Variants in PIEZO2 observed in about 807,000 individuals in gnomAD.
PIEZO2 encodes piezo type mechanosensitive ion channel component 2.
Under a neutral mutation model 337.3 loss-of-function variants are expected in PIEZO2, and 172 were observed. The ratio of observed to expected loss-of-function variants is 0.51; its 90% CI spans 0.45 to 0.58. The LOEUF (loss-of-function observed/expected upper bound fraction) is 0.58, where lower values mean the gene tolerates loss of function less well. Ranked by LOEUF, PIEZO2 falls within the 20% of genes least tolerant of loss-of-function variation. PIEZO2 has a pLI of 0.00. For synonymous variants in PIEZO2, 1,251 were observed against 1,228.5 expected, an observed-to-expected ratio of 1.02 and a Z score of -0.38; for missense variants, 3,028 against 3,391.3, an observed-to-expected ratio of 0.89 and a Z score of 2.66.
intron 30 of PIEZO2, among the ~76,000 whole-genome samples, chr18:10,747,328 G>A (rs2143712760): frequency 6.6e-6 from 1 of 152,332 alleles, no homozygotes; most frequent in African/African-American, 2.4e-5. Flanking sequence ...TTAGCAGCCT[G>A]AGGAAGATTG....
chr18:10,696,449 C>T lies in PIEZO2; in HGVS notation c.6918G>A (p.Met2306Ile). 1 of 1,614,226 alleles carries T rather than the reference C, an allele frequency of 6.2e-7. No homozygotes were observed. The highest frequency in any genetic ancestry group is 8.5e-7 in the Non-Finnish European group (1 of 1,180,040). The change falls in exon 46 of 56, where the codon ATG becomes ATA. Residue 2306 changes from methionine to isoleucine, a missense_variant. By Grantham distance (10) the Met-to-Ile change is conservative. This residue lies in a region of PIEZO2 where 1,925 missense variants were observed against 2,051.9 expected (regional missense o/e 0.94). Transcript: ENST00000674853. ...TGAAGTCCACAGTGTCAGCCAGGAA[C>T]ATGAGTACATACACGTCAGTCACGG... Reference protein sequence around the residue: ...YSAVTDVYVLMFLADTVDFII... With the variant: ...YSAVTDVYVLIFLADTVDFII...
chr18:10,728,967 A>C (rs544290384), intron 36 of PIEZO2, among the ~76,000 whole-genome samples: 38 of 148,854 alleles, frequency 2.6e-4, no homozygotes, highest in African/African-American at 7.4e-4. Context: ...AAAAAAAAAA[A>C]AAAAAAACAA....
chr18:10,831,228 T>C (rs1370216877), intron 7 of PIEZO2, among the ~76,000 whole-genome samples: 2 of 152,234 alleles, frequency 1.3e-5, no homozygotes, highest in African/African-American at 4.8e-5. Flanking sequence ...TGAACATTCA[T>C]GTTTACTGCG....
chr18:10,725,938 G>C (rs2036517917), intron 36 of PIEZO2, among the ~76,000 whole-genome samples: 1 of 152,200 alleles, frequency 6.6e-6, no homozygotes, highest in African/African-American at 2.4e-5. Context: ...ATTTCTATCT[G>C]TCTGTCCCTC....
intron 1 of PIEZO2, among the ~76,000 whole-genome samples, chr18:11,136,212 C>CA (rs1209192040): frequency 3.9e-5 from 6 of 152,190 alleles, no homozygotes; most frequent in Admixed American, 1.3e-4. Context: ...GGCACTGGGT[C>CA]AGAAATGCAG....
chr18:10,931,421 G>A lies in PIEZO2; in HGVS notation c.287-20193C>T, dbSNP rs369589598. ...TCATCATGTTAGCCAGGGTGGTCTC[G>A]ATCTCCTGACCTCGTGATCCGCCTG... On this transcript the variant is annotated intron_variant, in intron 3 of 55. Coordinates refer to ENST00000674853, the MANE Select transcript of PIEZO2 (RefSeq NM_001378183.1). 4.5e-3 allele frequency among the ~76,000 whole-genome samples: 679 copies of A among 152,136 alleles called. 6 individuals carry two copies. The highest frequency in any genetic ancestry group is 0.015 in the African/African-American group (633 of 41,504).
At chr18:10,690,626 G>C (rs573063490) in intron 48 of PIEZO2, among the ~76,000 whole-genome samples, 1 of 152,216 alleles carries the variant, frequency 6.6e-6, no homozygotes, top group African/African-American at 2.4e-5. Context: ...TGGTGCTGAG[G>C]AGGAGCCAGC....
intron 23 of PIEZO2, among the ~76,000 whole-genome samples, chr18:10,762,262 T>C (rs1412258196): frequency 6.6e-6 from 1 of 152,246 alleles, no homozygotes; most frequent in Non-Finnish European, 1.5e-5. Flanking sequence ...TTGTATAATG[T>C]TCCAATGAAT....
intron 52 of PIEZO2, among the ~76,000 whole-genome samples, chr18:10,679,141 C>T (rs2034151044): frequency 6.6e-6 from 1 of 152,098 alleles, no homozygotes; most frequent in Non-Finnish European, 1.5e-5. Flanking sequence ...GCCATGTTGG[C>T]CAGGCTGGTC....
intron 3 of PIEZO2, among the ~76,000 whole-genome samples, chr18:10,921,646 A>G (rs1415698589): frequency 1.3e-5 from 2 of 152,186 alleles, no homozygotes; most frequent in African/African-American, 4.8e-5. Flanking sequence ...AAAGAGCAGG[A>G]TAACAGCAAT....
At chr18:10,742,745 T>C (rs1028242024) in intron 31 of PIEZO2, 130 bp from the exon 32 acceptor site, 5 of 976,514 alleles carry the variant, frequency 5.1e-6, no homozygotes, top group Admixed American at 2.9e-5. Context: ...ACTTGTGAAT[T>C]GTAAAATGGT....
rs1373732643 is a variant in PIEZO2, at chr18:11,099,376, C to T, written c.65-33154G>A. Among the ~76,000 whole-genome samples the T allele has an allele frequency of 6.6e-6, 1 of 152,220 alleles. No individual in the cohort carries two copies. Among genetic ancestry groups the T allele is most frequent in the African/African-American group, 2.4e-5 (1 of 41,458 alleles). On this transcript the variant is annotated intron_variant, in intron 1 of 55. Transcript: ENST00000674853. The surrounding 1 kb of genome is among the most constrained non-coding windows in gnomAD (Gnocchi z 5.4). ...ATAGAAGTTCCTTGTTAAATGCACC[C>T]TCACCAATACCAAATTGGTCCATTT... is the stretch of plus-strand genomic sequence containing the variant.
chr18:10,976,111 G>A (rs1053335883), intron 3 of PIEZO2, among the ~76,000 whole-genome samples: 2 of 152,158 alleles, frequency 1.3e-5, no homozygotes, highest in African/African-American at 4.8e-5. Flanking sequence ...AAAAGTCAGT[G>A]TTTCCATTAC....
intron 28 of PIEZO2, among the ~76,000 whole-genome samples, 198 bp downstream of exon 28, chr18:10,752,438 T>C (rs2037684410): frequency 6.6e-6 from 1 of 152,120 alleles, no homozygotes. Flanking sequence ...CTTGAAATGG[T>C]GAAAATGAGG....
chr18:10,922,147 T>C (rs866077652), intron 3 of PIEZO2, among the ~76,000 whole-genome samples: 26 of 152,026 alleles, frequency 1.7e-4, no homozygotes, highest in Middle Eastern at 3.2e-3. Context: ...ACACACTCCC[T>C]CCCCTTTTGA....
chr18:10,816,873 T>C lies in PIEZO2; in HGVS notation c.918-9599A>G, dbSNP rs539798751. Among the ~76,000 whole-genome samples the C allele has an allele frequency of 4.6e-5, 7 of 152,318 alleles. No individual in the cohort carries two copies. The South Asian group carries it at 1.4e-3, about 32-fold the overall frequency. On this transcript the variant is annotated intron_variant, in intron 7 of 55. Coordinates refer to ENST00000674853, the MANE Select transcript of PIEZO2 (RefSeq NM_001378183.1). The stretch of plus-strand genomic sequence containing the variant: ...TAATACATAGAACCAAATGATTTAT[T>C]TATCTTTTCTCACTGCAGTTTTATT...
chr18:10,909,520 T>C (rs527655566), intron 4 of PIEZO2, among the ~76,000 whole-genome samples: 3 of 20,314 alleles, frequency 1.5e-4, no homozygotes, highest in East Asian at 0.083. Context: ...TTAGGTATGA[T>C]GATGGCACTA....
intron 2 of PIEZO2, among the ~76,000 whole-genome samples, chr18:10,990,518 T>C (rs994073678): frequency 8.5e-5 from 13 of 152,114 alleles, no homozygotes; most frequent in African/African-American, 3.1e-4. Flanking sequence ...TTTGGGGTAT[T>C]AATCAGACAA....
Position 10,762,754 on chromosome 18 carries a change from A to G in PIEZO2, c.3124-129T>C, listed in dbSNP as rs2038190164. On this transcript the variant is annotated intron_variant, in intron 22 of 55. Transcript: ENST00000674853. ...GAGGGACAGGCCCATTTCAGGGGAGACCTCAGTATGAGACGAGGCTTAACA... is the reference window on the plus strand; with the variant it reads ...GAGGGACAGGCCCATTTCAGGGGAGGCCTCAGTATGAGACGAGGCTTAACA... 2.3e-6 allele frequency: 3 copies of G among 1,326,746 alleles called. No individual in the cohort carries two copies. The East Asian group carries it at 7.5e-5, about 33-fold the overall frequency. 82.2% of individuals were successfully genotyped at this position (1,326,746 alleles called of 1,614,324 possible).
Sources: allele counts gnomAD v4.1 joint callset (sites outside exome capture counted in the v4.1 genomes callset), GRCh38; gene constraint gnomAD v4.1.1; regional missense constraint gnomAD v4.1.1; non-coding constraint Gnocchi (gnomAD v3.1); transcripts MANE v1.5; gene names NCBI Gene and HGNC (gene_info 2026-07-23, HGNC 2026-07-21).